The following ZRANB3 variants were observed in gnomAD, a reference collection of about 807,000 sequenced individuals.
ZRANB3 encodes the protein DNA annealing helicase and endonuclease ZRANB3.
A neutral mutation model predicts 133.8 loss-of-function variants in ZRANB3; 125 were observed. That is an observed-to-expected ratio of 0.93 (90% CI 0.81 to 1.08). The LOEUF (loss-of-function observed/expected upper bound fraction) is 1.08. ZRANB3 is among the 50% of genes least tolerant of loss of function. ZRANB3 has a pLI of 0.00. For synonymous variants in ZRANB3, 387 were observed against 432.7 expected (o/e 0.89, Z 1.31); for missense variants, 1,229 against 1,275.5 (o/e 0.96, Z 0.56).
At chr2:135,478,877 T>A (rs1489557726) in intron 2 of ZRANB3, among the ~76,000 whole-genome samples, 1 of 151,834 alleles carries the variant, frequency 6.6e-6, no homozygotes, top group African/African-American at 2.4e-5. Flanking sequence ...TATGTATACC[T>A]GTTATATGTA....
intron 2 of ZRANB3, among the ~76,000 whole-genome samples, chr2:135,442,247 A>G (rs1002100482): frequency 1.1e-4 from 16 of 152,348 alleles, no homozygotes; most frequent in Admixed American, 5.9e-4. Flanking sequence ...CTACCAGCAG[A>G]GTGAACAGGC....
intron 2 of ZRANB3, among the ~76,000 whole-genome samples, chr2:135,439,885 C>T (rs776681739): frequency 6.6e-6 from 1 of 152,176 alleles, no homozygotes; most frequent in African/African-American, 2.4e-5. Context: ...GTGACCATGC[C>T]TTTCGCTCAC....
intron 6 of ZRANB3, among the ~76,000 whole-genome samples, chr2:135,328,550 T>G (rs1213699856): frequency 2.0e-5 from 3 of 149,444 alleles, no homozygotes; most frequent in Non-Finnish European, 4.4e-5. Context: ...TATAGCAGCA[T>G]GACTTATAAT....
intron 3 of ZRANB3, among the ~76,000 whole-genome samples, chr2:135,390,161 G>A (rs1230817499): frequency 2.6e-5 from 4 of 152,060 alleles, no homozygotes; most frequent in Non-Finnish European, 5.9e-5. Flanking sequence ...TTACAGGCGT[G>A]AGCCACTGCG....
intron 8 of ZRANB3, among the ~76,000 whole-genome samples, chr2:135,296,564 C>G (rs1005441561): frequency 1.3e-5 from 2 of 152,094 alleles, no homozygotes; most frequent in South Asian, 4.1e-4. Context: ...TCTTCTGAAG[C>G]CTTCTTCTCT....
At chr2:135,271,188 G>T in intron 10 of ZRANB3, 1 of 371,858 alleles carries the variant, frequency 2.7e-6, no homozygotes, top group Admixed American at 3.3e-5. Context: ...GCGAGAAGGG[G>T]TATAGGTCCT....
At chr2:135,517,170 C>T (rs1344932401) in intron 1 of ZRANB3, among the ~76,000 whole-genome samples, 1 of 151,924 alleles carries the variant, frequency 6.6e-6, no homozygotes, top group Non-Finnish European at 1.5e-5. Flanking sequence ...TTAGCAATTC[C>T]TCTAACCTTT....
intron 2 of ZRANB3, among the ~76,000 whole-genome samples, chr2:135,425,083 G>C (rs1384304994): frequency 6.6e-6 from 1 of 152,128 alleles, no homozygotes; most frequent in Non-Finnish European, 1.5e-5. Context: ...AAAATTTATA[G>C]GCCAGGATTA....
intron 2 of ZRANB3, among the ~76,000 whole-genome samples, chr2:135,460,052 G>C (rs1253405306): frequency 6.6e-6 from 1 of 152,018 alleles, no homozygotes; most frequent in African/African-American, 2.4e-5. Context: ...AATATTCAAG[G>C]GTGTAAAGGT....
intron 3 of ZRANB3, among the ~76,000 whole-genome samples, chr2:135,368,017 A>G (rs1686012512): frequency 6.6e-6 from 1 of 152,170 alleles, no homozygotes; most frequent in African/African-American, 2.4e-5. Context: ...ATCTATACAT[A>G]GAATATACTC....
At chr2:135,254,125 A>C (rs908559030) in intron 12 of ZRANB3, among the ~76,000 whole-genome samples, 3 of 150,424 alleles carry the variant, frequency 2.0e-5, no homozygotes, top group Admixed American at 1.3e-4. Context: ...TCTCAGAACA[A>C]TTAATATTTG....
chr2:135,343,009 C>CA (rs1558930535), intron 6 of ZRANB3, among the ~76,000 whole-genome samples: 2 of 90,722 alleles, frequency 2.2e-5, no homozygotes, highest in Admixed American at 1.1e-4. Context: ...TACTAAAAAT[C>CA]CAAAAAAAAA....
intron 6 of ZRANB3, among the ~76,000 whole-genome samples, chr2:135,327,669 T>C (rs749798644): frequency 2.0e-5 from 3 of 152,210 alleles, no homozygotes; most frequent in Non-Finnish European, 2.9e-5. Flanking sequence ...TGTTTAGTTA[T>C]GTGATTTGAC....
intron 17 of ZRANB3, among the ~76,000 whole-genome samples, chr2:135,210,982 T>C (rs982495733): frequency 6.6e-6 from 1 of 151,900 alleles, no homozygotes; most frequent in African/African-American, 2.4e-5. Flanking sequence ...TGAACTGAGA[T>C]TGCGCCACTG....
chr2:135,353,549 G>A lies in ZRANB3; in HGVS notation c.260C>T (p.Pro87Leu). ...TGTCCAAGGGTACCTCAGAGACGAA[G>A]GGACCACTATTAACAGAGGCCATTC... ...KEEWPLLIVV[P>L]SSLRYPWTEE... The change falls in exon 4 of 21, where the codon CCT (proline) becomes CTT (leucine). Residue 87 changes from proline (P) to leucine (L), a missense_variant. By Grantham distance (98) the Pro-to-Leu change is moderately conservative. Transcript: ENST00000264159. The A allele has an allele frequency of 9.9e-6, 16 of 1,610,580 alleles. No homozygotes were observed. The highest frequency in any genetic ancestry group is 1.4e-5 in the Non-Finnish European group (16 of 1,177,824).
Position 135,243,232 on chromosome 2 carries a change from G to A in ZRANB3, c.1540-12305C>T, listed in dbSNP as rs553632186. 3.9e-5 allele frequency among the ~76,000 whole-genome samples: 6 copies of A among 152,298 alleles called. No homozygotes were observed. In the East Asian group the frequency reaches 1.2e-3, roughly 29 times the overall value. ...GAGCTGATCAGAGAAAGGTGCTAAAGAGGCTGGGCGCGGTGGCTCACGCCT... is the reference window on the plus strand; with the variant it reads ...GAGCTGATCAGAGAAAGGTGCTAAAAAGGCTGGGCGCGGTGGCTCACGCCT... On this transcript the variant is annotated intron_variant, in intron 12 of 20. Transcript: ENST00000264159.
At chr2:135,207,298 G>T in intron 19 of ZRANB3, 136 bp downstream of exon 19, 2 of 990,770 alleles carry the variant, frequency 2.0e-6, no homozygotes, top group East Asian at 2.5e-5. Flanking sequence ...AAAGCTGGCT[G>T]ATGGACATAT....
intron 15 of ZRANB3, among the ~76,000 whole-genome samples, chr2:135,223,429 G>T (rs868033068): frequency 6.6e-6 from 1 of 150,700 alleles, no homozygotes; most frequent in African/African-American, 2.4e-5. Context: ...AGGTTCAAGC[G>T]ATTCTCCTGC....
intron 3 of ZRANB3, among the ~76,000 whole-genome samples, chr2:135,384,110 G>A (rs1686850539): frequency 6.6e-6 from 1 of 151,982 alleles, no homozygotes; most frequent in African/African-American, 2.4e-5. Flanking sequence ...GACTAATAAA[G>A]AAGAAAAGAG....
Sources: allele counts gnomAD v4.1 joint callset (sites outside exome capture counted in the v4.1 genomes callset), GRCh38; gene constraint gnomAD v4.1.1; transcripts MANE v1.5; gene names NCBI Gene and HGNC (gene_info 2026-07-23, HGNC 2026-07-21).